The following PTPN5 variants were observed in gnomAD, a reference collection of about 807,000 sequenced individuals.
The protein encoded by PTPN5 is tyrosine-protein phosphatase non-receptor type 5.
PTPN5 carries 29 observed loss-of-function variants against 73.9 expected under a neutral mutation model. That is an observed-to-expected ratio of 0.39 (90% CI 0.29 to 0.54). The LOEUF (loss-of-function observed/expected upper bound fraction) is 0.54. Among genes scored for constraint, PTPN5 ranks in the 20% least tolerant of loss-of-function variants. The pLI, the probability that PTPN5 is intolerant of heterozygous loss-of-function variation, is 0.65. For synonymous variants in PTPN5, 267 were observed against 304.7 expected (o/e 0.88, Z 1.29); for missense variants, 652 against 751.4 (o/e 0.87, Z 1.55).
chr11:18,728,733 G>A lies in PTPN5; in HGVS notation c.*201C>T, dbSNP rs950717442. ...GGCCTGGCCTGGCATGTCCCTTCCC[G>A]ACCCTGCCCCCCACTCCCCAATATG... On this transcript the variant is annotated 3_prime_UTR_variant, in exon 15 of 15. Transcript: ENST00000358540. This position sits in a 1 kb window ranked among gnomAD's most constrained non-coding sequence, Gnocchi z 4.1. The A allele has an allele frequency of 1.5e-5, 8 of 531,114 alleles. No individual in the cohort carries two copies. Among genetic ancestry groups the A allele is most frequent in the Middle Eastern group, 4.9e-4 (1 of 2,054 alleles). 32.9% of individuals were successfully genotyped at this position (531,114 alleles called of 1,614,324 possible).
intron 1 of PTPN5, among the ~76,000 whole-genome samples, chr11:18,786,234 G>A (rs1851662513): frequency 2.0e-5 from 3 of 150,654 alleles, no homozygotes; most frequent in Admixed American, 1.3e-4. Context: ...ACGGAGTCTC[G>A]CTCTTTCGCC....
At chr11:18,764,839 A>C (rs937801721) in intron 3 of PTPN5, among the ~76,000 whole-genome samples, 1 of 152,060 alleles carries the variant, frequency 6.6e-6, no homozygotes, top group African/African-American at 2.4e-5. Flanking sequence ...CAGCCTCCCA[A>C]GTAGCTGGGA....
intron 9 of PTPN5, among the ~76,000 whole-genome samples, chr11:18,736,826 A>G (rs76949867): frequency 0.015 from 2,287 of 152,266 alleles, 28 homozygotes; most frequent in Middle Eastern, 0.037. Context: ...GCAAAGTCCA[A>G]GGTTCTAGGA....
intron 1 of PTPN5, among the ~76,000 whole-genome samples, chr11:18,778,194 C>G (rs1338416946): frequency 6.6e-6 from 1 of 152,120 alleles, no homozygotes; most frequent in East Asian, 1.9e-4. Flanking sequence ...AGCAGTAGGA[C>G]CTAACTCAAA....
In PTPN5 at chr11:18,777,987, A is replaced by AAGG. The variant is rs1564929410; in HGVS notation, c.-113-5917_-113-5916insCCT. ...GGAAGGAAGGAAGGAAGAAAGAAAG[A>AAGG]AAGAAAGGAAGGAAGGAAGGAAGGA... On this transcript the variant is annotated intron_variant, in intron 1 of 14. Coordinates refer to ENST00000358540, the MANE Select transcript of PTPN5 (RefSeq NM_006906.2). Among the ~76,000 whole-genome samples the AAGG allele has an allele frequency of 3.2e-3, 363 of 113,380 alleles. 1 individual carries two copies. The highest frequency in any genetic ancestry group is 5.8e-3 in the Non-Finnish European group (276 of 47,274). 74.4% of individuals were successfully genotyped at this position (113,380 alleles called of 152,430 possible).
intron 3 of PTPN5, chr11:18,749,488 T>TGGGGGGGGGGGGCGGGG: frequency 2.7e-6 from 1 of 373,920 alleles, no homozygotes; most frequent in Non-Finnish European, 5.3e-6. Flanking sequence ...CGGGGGAGGG[T>TGGGGGGGGGGGGCGGGG]GGGGGGCAGA....
At position 18,729,571 on chromosome 11, in the gene PTPN5, G is replaced by A; in HGVS notation, c.1491-5C>T. Reference sequence around the variant, plus strand: ...CCGGTCCTCCCAATCCCTGCACTGAGGGCCGAGGGGACCGGTGGGGTGAGG... The same window carrying A: ...CCGGTCCTCCCAATCCCTGCACTGAAGGCCGAGGGGACCGGTGGGGTGAGG... On this transcript the variant is annotated splice_polypyrimidine_tract_variant and splice_region_variant and intron_variant, in intron 13 of 14. Coordinates refer to ENST00000358540, the MANE Select transcript of PTPN5 (RefSeq NM_006906.2). This position sits in a 1 kb window ranked among gnomAD's most constrained non-coding sequence, Gnocchi z 5.2. The A allele has an allele frequency of 6.3e-7, 1 of 1,582,840 alleles. No individual in the cohort carries two copies. Among genetic ancestry groups the A allele is most frequent in the Non-Finnish European group, 8.6e-7 (1 of 1,163,024 alleles).
chr11:18,734,879 G>A (rs1849047059), intron 9 of PTPN5, among the ~76,000 whole-genome samples: 1 of 152,186 alleles, frequency 6.6e-6, no homozygotes, highest in South Asian at 2.1e-4. Flanking sequence ...CACATTAGGA[G>A]GCTCTCACAG....
chr11:18,788,601 A>G (rs1851775328), intron 1 of PTPN5, among the ~76,000 whole-genome samples: 1 of 152,200 alleles, frequency 6.6e-6, no homozygotes, highest in Admixed American at 6.5e-5. Flanking sequence ...TTTAAATGCT[A>G]CTTGGCTTCT....
At chr11:18,761,918 G>A (rs893614497) in intron 3 of PTPN5, among the ~76,000 whole-genome samples, 3 of 152,224 alleles carry the variant, frequency 2.0e-5, no homozygotes, top group African/African-American at 7.2e-5. Context: ...AGGGCTGTGT[G>A]AGACAGAGGC....
chr11:18,786,746 C>T (rs1314579942), intron 1 of PTPN5, among the ~76,000 whole-genome samples: 1 of 152,204 alleles, frequency 6.6e-6, no homozygotes, highest in Non-Finnish European at 1.5e-5. Context: ...TAGCCCCTCA[C>T]ATGGTCCAGC....
In PTPN5 at chr11:18,729,654, C is replaced by T; in HGVS notation, c.1490+4G>A. 4 of 1,572,088 alleles carry T rather than the reference C, an allele frequency of 2.5e-6. No homozygotes were observed. Among genetic ancestry groups the T allele is most frequent in the Non-Finnish European group, 3.4e-6 (4 of 1,160,960 alleles). On this transcript the variant is annotated splice_donor_region_variant and intron_variant, in intron 13 of 14. Transcript: ENST00000358540. The surrounding 1 kb of genome is among the most constrained non-coding windows in gnomAD (Gnocchi z 5.2). ...CGCTCCAGTGGCTGGCTGGGAGGAC[C>T]CACCTGCAGTGGACGATGATGGGGG... is the stretch of plus-strand genomic sequence containing the variant.
chr11:18,778,690 G>A (rs1851282299), intron 1 of PTPN5, among the ~76,000 whole-genome samples: 1 of 152,174 alleles, frequency 6.6e-6, no homozygotes, highest in South Asian at 2.1e-4. Flanking sequence ...GGCCTTCCTA[G>A]AAGCCAAGCA....
At chr11:18,749,428 T>C in intron 3 of PTPN5, 1 of 511,382 alleles carries the variant, frequency 2.0e-6, no homozygotes, top group Middle Eastern at 3.2e-4. Context: ...CCATGCCGCT[T>C]CTCAGTAAAG....
intron 2 of PTPN5, among the ~76,000 whole-genome samples, 191 bp from the exon 3 acceptor site, chr11:18,766,074 A>T (rs928861797): frequency 2.6e-5 from 4 of 152,182 alleles, no homozygotes; most frequent in Admixed American, 2.6e-4. Flanking sequence ...AGAATTTTGC[A>T]GGTGTCTTCC....
intron 3 of PTPN5, chr11:18,744,474 G>A (rs970026056): frequency 1.2e-5 from 4 of 320,330 alleles, no homozygotes; most frequent in Non-Finnish European, 2.3e-5. Context: ...TTGTATTTAC[G>A]CAGCTTCATT....
intron 2 of PTPN5, among the ~76,000 whole-genome samples, chr11:18,770,282 C>T (rs569797721): frequency 6.6e-6 from 1 of 152,298 alleles, no homozygotes; most frequent in South Asian, 2.1e-4. Context: ...ATCCTGTACT[C>T]ATTAAGGAGT....
At chr11:18,760,988 A>G (rs1251359252) in intron 3 of PTPN5, among the ~76,000 whole-genome samples, 2 of 152,210 alleles carry the variant, frequency 1.3e-5, no homozygotes, top group Admixed American at 6.5e-5. Flanking sequence ...CTGCTTACGC[A>G]TCTTCAGGTT....
At chr11:18,765,126 G>C (rs1035378185) in intron 3 of PTPN5, among the ~76,000 whole-genome samples, 2 of 151,870 alleles carry the variant, frequency 1.3e-5, no homozygotes, top group Admixed American at 1.3e-4. Context: ...CTAATATTTT[G>C]ACAGTTAACC....
Sources: gnomAD v4.1 joint callset for allele counts (sites outside exome capture counted in the v4.1 genomes callset) on GRCh38, gnomAD v4.1.1 for gene constraint, Gnocchi (gnomAD v3.1) non-coding constraint, MANE v1.5 for transcripts, NCBI Gene and HGNC (gene_info 2026-07-23, HGNC 2026-07-21) for gene names.